Variants in METTL24 observed in about 807,000 individuals in gnomAD.
The protein encoded by METTL24 is methyltransferase like 24.
A neutral mutation model predicts 32.7 loss-of-function variants in METTL24; 29 were observed. The observed-to-expected ratio is 0.89, with a 90% CI of 0.66 to 1.21. The LOEUF (loss-of-function observed/expected upper bound fraction) is 1.21, where lower values mean the gene tolerates loss of function less well. Ranked by LOEUF, METTL24 falls within the 50% of genes most tolerant of loss-of-function variation. The pLI is 0.00. For synonymous variants in METTL24, 163 were observed against 179.5 expected, an observed-to-expected ratio of 0.91 and a Z score of 0.73; for missense variants, 439 against 468.1, an observed-to-expected ratio of 0.94 and a Z score of 0.57.
intron 4 of METTL24, among the ~76,000 whole-genome samples, chr6:110,269,454 A>G (rs1014915673): frequency 2.0e-5 from 3 of 152,196 alleles, no homozygotes. Flanking sequence ...GACTGCAAAC[A>G]GCCTAAGCTC....
At chr6:110,298,763 T>C (rs145910963) in intron 4 of METTL24, among the ~76,000 whole-genome samples, 159 bp downstream of exon 4, 142 of 152,366 alleles carry the variant, frequency 9.3e-4, no homozygotes, top group African/African-American at 3.2e-3. Context: ...CAACACTTTA[T>C]GTCTAGAGTT....
At chr6:110,306,065 C>T (rs1047821326) in intron 3 of METTL24, among the ~76,000 whole-genome samples, 3 of 151,222 alleles carry the variant, frequency 2.0e-5, no homozygotes, top group Non-Finnish European at 4.4e-5. Context: ...CTCAGCAAAC[C>T]GAACACCACA....
chr6:110,289,805 T>A (rs1297016636), intron 4 of METTL24, among the ~76,000 whole-genome samples: 1 of 152,232 alleles, frequency 6.6e-6, no homozygotes, highest in Non-Finnish European at 1.5e-5. Context: ...TCCCTGGAGC[T>A]TCCCAGCATC....
In METTL24 at chr6:110,349,768, C is replaced by A. The variant is rs999361254; in HGVS notation, c.318+8187G>T. Among the ~76,000 whole-genome samples, 6 of 152,196 alleles carry A rather than the reference C, an allele frequency of 3.9e-5. 1 individual carries two copies. In the East Asian group the frequency reaches 1.2e-3, roughly 29 times the overall value. On this transcript the variant is annotated intron_variant, in intron 1 of 4. Transcript: ENST00000338882. Reference sequence around the variant, plus strand: ...TGAAAAGGAAAAGTTACAGTTGTAACCTTCCAAACTGCCAGCTCTAATTTA... The same window carrying A: ...TGAAAAGGAAAAGTTACAGTTGTAAACTTCCAAACTGCCAGCTCTAATTTA...
intron 4 of METTL24, among the ~76,000 whole-genome samples, chr6:110,287,570 C>T (rs1190403671): frequency 1.3e-5 from 2 of 152,328 alleles, no homozygotes; most frequent in African/African-American, 2.4e-5. Flanking sequence ...ACCTTTACCA[C>T]AGCATATCTG....
At chr6:110,353,547 CTTTTTTTTT>C (rs75803780) in intron 1 of METTL24, among the ~76,000 whole-genome samples, 1 of 104,064 alleles carries the variant, frequency 9.6e-6, no homozygotes. Flanking sequence ...GGAAACAGTT[CTTTTTTTTT>C]TTTTTTTTTT....
rs1197898712 is a variant in METTL24, at chr6:110,245,696, G to A, written c.*250C>T. On this transcript the variant is annotated 3_prime_UTR_variant, in exon 5 of 5. Coordinates refer to ENST00000338882, the MANE Select transcript of METTL24 (RefSeq NM_001123364.3). ...TTTTAGGGAAAACTGTGATGAGCTGGGGATAATCTTCCAAGTTAAGGTGAA... is the reference window on the plus strand; with the variant it reads ...TTTTAGGGAAAACTGTGATGAGCTGAGGATAATCTTCCAAGTTAAGGTGAA... 6.6e-6 allele frequency among the ~76,000 whole-genome samples: 1 copy of A among 152,106 alleles called. No individual in the cohort carries two copies. Among genetic ancestry groups the A allele is most frequent in the Non-Finnish European group, 1.5e-5 (1 of 68,032 alleles).
At chr6:110,276,291 T>C (rs1349764998) in intron 4 of METTL24, among the ~76,000 whole-genome samples, 2 of 151,882 alleles carry the variant, frequency 1.3e-5, no homozygotes, top group Non-Finnish European at 2.9e-5. Context: ...TAAAAATAAA[T>C]AAATCAAAAA....
chr6:110,324,009 C>T lies in METTL24; in HGVS notation c.319-1137G>A, dbSNP rs928739659. Among the ~76,000 whole-genome samples the T allele has an allele frequency of 3.3e-5, 5 of 152,010 alleles. No homozygotes were observed. The East Asian group carries it at 9.7e-4, about 29-fold the overall frequency. On this transcript the variant is annotated intron_variant, in intron 1 of 4. Transcript: ENST00000338882. The stretch of plus-strand genomic sequence containing the variant: ...GAAAGAAACATCTAGACAGGCCAGC[C>T]GTGAGATGCTTTAGTACAAATGTGG...
intron 4 of METTL24, among the ~76,000 whole-genome samples, chr6:110,295,858 A>T (rs931746126): frequency 7.5e-6 from 1 of 133,284 alleles, no homozygotes; most frequent in Non-Finnish European, 1.6e-5. Flanking sequence ...TATAAAATGT[A>T]CTAAAATTGT....
At chr6:110,269,887 A>C (rs1008117681) in intron 4 of METTL24, among the ~76,000 whole-genome samples, 3 of 151,920 alleles carry the variant, frequency 2.0e-5, no homozygotes, top group African/African-American at 7.3e-5. Flanking sequence ...GTTCTAGAGG[A>C]CTCCTGATTG....
chr6:110,332,371 T>G lies in METTL24; in HGVS notation c.319-9499A>C, dbSNP rs758472705. On this transcript the variant is annotated intron_variant, in intron 1 of 4. Transcript: ENST00000338882. Reference sequence around the variant, plus strand: ...AGCAAGACTGAAACACACCAGGGGATGGCTAAGAGAATAAAACGTAATATA... The same window carrying G: ...AGCAAGACTGAAACACACCAGGGGAGGGCTAAGAGAATAAAACGTAATATA... The G allele has an allele frequency of 4.8e-4, 131 of 270,590 alleles. 1 individual carries two copies. The highest frequency in any genetic ancestry group is 7.1e-4 in the Non-Finnish European group (126 of 177,180). The allele number at this position is 270,590 out of a possible 1,614,324, so 16.8% of individuals were successfully genotyped here.
intron 2 of METTL24, 68 bp from the exon 3 acceptor site, chr6:110,315,549 T>G (rs944034587): frequency 6.5e-7 from 1 of 1,533,870 alleles, no homozygotes. Flanking sequence ...TAGGGACTTA[T>G]TGCTTCCCCA....
chr6:110,292,780 A>C (rs1003680953), intron 4 of METTL24, among the ~76,000 whole-genome samples: 2 of 151,860 alleles, frequency 1.3e-5, no homozygotes, highest in Non-Finnish European at 2.9e-5. Flanking sequence ...TATTGGTTTA[A>C]ATTTTTTGGT....
chr6:110,271,340 G>A (rs935705734), intron 4 of METTL24, among the ~76,000 whole-genome samples: 1 of 152,066 alleles, frequency 6.6e-6, no homozygotes, highest in African/African-American at 2.4e-5. Flanking sequence ...CTGTCGCCCA[G>A]GCTGGAGTAC....
rs118142548 is a variant in METTL24 at position 110,244,715 on chromosome 6, G to C, written c.*1231C>G. ...GAACTTACTCAGTATCATGAGAATA[G>C]CATGGAGGAAACCAACCCCATGATT... On this transcript the variant is annotated 3_prime_UTR_variant, in exon 5 of 5. Coordinates refer to ENST00000338882, the MANE Select transcript of METTL24 (RefSeq NM_001123364.3). 0.011 allele frequency among the ~76,000 whole-genome samples: 1,699 copies of C among 152,232 alleles called. 28 individuals are homozygous for C. Among genetic ancestry groups the C allele is most frequent in the East Asian group, 0.042 (218 of 5,174 alleles).
At chr6:110,329,594 C>T (rs953680096) in intron 1 of METTL24, among the ~76,000 whole-genome samples, 1 of 152,080 alleles carries the variant, frequency 6.6e-6, no homozygotes, top group Non-Finnish European at 1.5e-5. Context: ...TGAGCACTGC[C>T]GTTACGTTTC....
chr6:110,274,613 T>C (rs1023206960), intron 4 of METTL24, among the ~76,000 whole-genome samples: 4 of 151,886 alleles, frequency 2.6e-5, no homozygotes, highest in African/African-American at 4.8e-5. Context: ...AAAGAACTTA[T>C]CCATGTAACC....
At chr6:110,338,074 G>A (rs1379423043) in intron 1 of METTL24, among the ~76,000 whole-genome samples, 1 of 152,166 alleles carries the variant, frequency 6.6e-6, no homozygotes, top group Non-Finnish European at 1.5e-5. Context: ...ATAATCCTCA[G>A]GGCTGAGGAC....
Sources: gnomAD v4.1 joint callset for allele counts (sites outside exome capture counted in the v4.1 genomes callset) on GRCh38, gnomAD v4.1.1 for gene constraint, MANE v1.5 for transcripts, NCBI Gene and HGNC (gene_info 2026-07-23, HGNC 2026-07-21) for gene names.